Variants in EXOC2 observed in about 807,000 individuals in gnomAD.
EXOC2 encodes SEC5-like 1.
A neutral mutation model predicts 131.8 loss-of-function variants in EXOC2; 70 were observed. The observed-to-expected ratio is 0.53, with a 90% CI of 0.44 to 0.65. The LOEUF is 0.65. EXOC2 is among the 30% of genes least tolerant of loss of function. The pLI, the probability that EXOC2 is intolerant of heterozygous loss-of-function variation, is 0.00. For synonymous variants in EXOC2, 411 were observed against 398.4 expected (o/e 1.03, Z -0.38); for missense variants, 923 against 1,108.6 (o/e 0.83, Z 2.38).
intron 4 of EXOC2, among the ~76,000 whole-genome samples, chr6:629,526 A>C (rs1292000403): frequency 6.6e-6 from 1 of 152,242 alleles, no homozygotes; most frequent in African/African-American, 2.4e-5. Flanking sequence ...TTTTGACTTC[A>C]GGTGCCATCT....
intron 1 of EXOC2, chr6:656,822 G>A (rs775466283): frequency 1.5e-5 from 24 of 1,609,508 alleles, no homozygotes; most frequent in East Asian, 1.1e-4. Context: ...CCGCGGGGCC[G>A]AAGCACAGGC....
intron 23 of EXOC2, among the ~76,000 whole-genome samples, chr6:519,101 C>T (rs376697718): frequency 1.4e-5 from 2 of 144,336 alleles, no homozygotes; most frequent in South Asian, 4.4e-4. Context: ...ACTCACCGTC[C>T]ACACTCGGAG....
chr6:690,986 A>G lies in EXOC2; in HGVS notation c.-44+2033T>C, dbSNP rs144260152. Reference sequence around the variant, plus strand: ...CAGTGACCTAAAATTCATCCATTCAATAAACATTTAAGCACCTACTATGTG... The same window carrying G: ...CAGTGACCTAAAATTCATCCATTCAGTAAACATTTAAGCACCTACTATGTG... On this transcript the variant is annotated intron_variant, in intron 1 of 27. Transcript: ENST00000230449. 1.6e-4 allele frequency among the ~76,000 whole-genome samples: 24 copies of G among 152,290 alleles called. No homozygotes were observed. In the East Asian group the frequency reaches 4.6e-3, roughly 29 times the overall value.
At chr6:672,083 T>C (rs891563077) in intron 1 of EXOC2, among the ~76,000 whole-genome samples, 2 of 152,204 alleles carry the variant, frequency 1.3e-5, no homozygotes, top group Admixed American at 6.5e-5. Flanking sequence ...TTATACTTTG[T>C]GTAACTGTCC....
rs373664397 is a variant in EXOC2, at chr6:593,462, A to G, written c.1074-875T>C. Among the ~76,000 whole-genome samples, 3 of 152,344 alleles carry G rather than the reference A, an allele frequency of 2.0e-5. No homozygotes were observed. The East Asian group carries it at 5.8e-4, about 29-fold the overall frequency. On this transcript the variant is annotated intron_variant, in intron 10 of 27. Transcript: ENST00000230449. ...AATATTTCTCTAGGAAATATAGTAT[A>G]GTTCGGTGTTTTTCTTAGTTTCTAA...
rs565854356 is a variant in EXOC2 at position 615,564 on chromosome 6, G to C, written c.661+2147C>G. Among the ~76,000 whole-genome samples, 117 of 151,910 alleles carry C rather than the reference G, an allele frequency of 7.7e-4. 1 individual carries two copies. The highest frequency in any genetic ancestry group is 2.7e-3 in the African/African-American group (114 of 41,464). ...ATGAAAAACCAGAAACAGGCTGGGCGTGGAAATTAGCTGGGCGTGGTGGTG... is the reference window on the plus strand; with the variant it reads ...ATGAAAAACCAGAAACAGGCTGGGCCTGGAAATTAGCTGGGCGTGGTGGTG... On this transcript the variant is annotated intron_variant, in intron 6 of 27. Coordinates refer to ENST00000230449, the MANE Select transcript of EXOC2 (RefSeq NM_018303.6).
intron 23 of EXOC2, among the ~76,000 whole-genome samples, chr6:503,883 G>C (rs1033907630): frequency 6.6e-6 from 1 of 152,186 alleles, no homozygotes; most frequent in Non-Finnish European, 1.5e-5. Context: ...TCCTCAGCCT[G>C]TCCCGTGGGC....
intron 1 of EXOC2, among the ~76,000 whole-genome samples, chr6:649,232 A>G (rs902673986): frequency 6.6e-6 from 1 of 152,258 alleles, no homozygotes; most frequent in Non-Finnish European, 1.5e-5. Context: ...ATAAAGAGGT[A>G]TAACAGCTAT....
At chr6:573,325 G>T (rs184360474) in intron 12 of EXOC2, among the ~76,000 whole-genome samples, 2 of 152,284 alleles carry the variant, frequency 1.3e-5, no homozygotes, top group East Asian at 1.9e-4. Flanking sequence ...TAGAAATTCA[G>T]GACCCACTCA....
intron 23 of EXOC2, among the ~76,000 whole-genome samples, chr6:532,109 T>C (rs1201436327): frequency 6.6e-6 from 1 of 152,232 alleles, no homozygotes; most frequent in South Asian, 2.1e-4. Context: ...ATTTCTTTAA[T>C]ACATTTTTTG....
intron 21 of EXOC2, among the ~76,000 whole-genome samples, chr6:551,489 T>TAGCTGAGAATAGGCTCAATGTGAGTC (rs1757140359): frequency 1.3e-5 from 2 of 152,194 alleles, no homozygotes; most frequent in Non-Finnish European, 2.9e-5. Context: ...CCTGGGGGGA[T>TAGCTGAGAATAGGCTCAATGTGAGTC]AGCTGAGAAT....
At chr6:585,657 C>T (rs1410780419) in intron 11 of EXOC2, among the ~76,000 whole-genome samples, 1 of 151,910 alleles carries the variant, frequency 6.6e-6, no homozygotes, top group African/African-American at 2.4e-5. Flanking sequence ...CATTTTTTTC[C>T]CAAACCACCA....
At chr6:630,060 A>C in intron 3 of EXOC2, 99 bp from the exon 4 acceptor site, 2 of 1,361,478 alleles carry the variant, frequency 1.5e-6, no homozygotes, top group Non-Finnish European at 2.0e-6. Context: ...CTAATACAAA[A>C]TGCCTGTTGG....
chr6:653,129 T>G (rs1479767386), intron 1 of EXOC2, among the ~76,000 whole-genome samples: 2 of 152,170 alleles, frequency 1.3e-5, no homozygotes, highest in African/African-American at 4.8e-5. Flanking sequence ...CAGCATTCTC[T>G]CTCCCTCTCC....
In EXOC2 at chr6:576,780, C is replaced by A. The variant is rs772355029; in HGVS notation, c.1295G>T (p.Ser432Ile). Residue 432 changes from serine (S) to isoleucine (I), a missense_variant, in exon 12 of 28, where the codon AGC (serine) becomes ATC (isoleucine). Physicochemically the swap from Ser to Ile is moderately radical, Grantham distance 142 (BLOSUM62 -2). Coordinates refer to ENST00000230449, the MANE Select transcript of EXOC2 (RefSeq NM_018303.6). ...ACTGTCGTCTCGACCAGACTGAAAG[C>A]TGCTGCCCCTCTTCAGGGACGCTGT... The part of the protein sequence containing the change: ...SQTASLKRGS[S>I]FQSGRDDTWR... 6.2e-7 allele frequency: 1 copy of A among 1,614,106 alleles called. No individual in the cohort carries two copies. The highest frequency in any genetic ancestry group is 1.1e-5 in the South Asian group (1 of 91,074).
In EXOC2 at chr6:637,719, C is replaced by T; in HGVS notation, c.100G>A (p.Gly34Ser). Residue 34 changes from glycine (G) to serine (S), a missense_variant, in exon 2 of 28, where the codon GGC (glycine) becomes AGC (serine). Transcript: ENST00000230449. ...CCCTTACCTATGAGGTCGGTGGGGCCAGTCCCCAGATTTTCTCCCCTGATT... is the reference window on the plus strand; with the variant it reads ...CCCTTACCTATGAGGTCGGTGGGGCTAGTCCCCAGATTTTCTCCCCTGATT... ...VTIRGENLGT[G>S]PTDLIGLTIC... 6.2e-7 allele frequency: 1 copy of T among 1,613,640 alleles called. No homozygotes were observed. Among genetic ancestry groups the T allele is most frequent in the South Asian group, 1.1e-5 (1 of 90,972 alleles).
intron 22 of EXOC2, among the ~76,000 whole-genome samples, chr6:537,221 CGCACACACGAGATGACGGCCGACGGAGG>C (rs1766502198): frequency 6.9e-5 from 10 of 145,288 alleles, no homozygotes; most frequent in South Asian, 6.5e-4. Flanking sequence ...ACCGACGGAG[CGCACACACGAGATGACGGCCGACGGAGG>C]GCACACACGA....
rs754561409 is a variant in EXOC2, at chr6:506,438, C to T, written c.2381-6738G>A. 3.2e-4 allele frequency among the ~76,000 whole-genome samples: 49 copies of T among 152,254 alleles called. No homozygotes were observed. Among genetic ancestry groups the T allele is most frequent in the Non-Finnish European group, 3.5e-4 (24 of 68,006 alleles). Reference sequence around the variant, plus strand: ...TGTGCCAAGAAAAATACAAGGCAAACGGATTTGCTCCTTGGAGTTAAAGGC... The same window carrying T: ...TGTGCCAAGAAAAATACAAGGCAAATGGATTTGCTCCTTGGAGTTAAAGGC... On this transcript the variant is annotated intron_variant, in intron 23 of 27. Coordinates refer to ENST00000230449, the MANE Select transcript of EXOC2 (RefSeq NM_018303.6). The surrounding 1 kb of genome is among the most constrained non-coding windows in gnomAD (Gnocchi z 4.4).
intron 27 of EXOC2, among the ~76,000 whole-genome samples, chr6:488,338 G>A (rs568505728): frequency 9.8e-5 from 15 of 152,360 alleles, no homozygotes; most frequent in African/African-American, 3.4e-4. Context: ...GGTGGTGAAG[G>A]AATGAAGACT....
Sources: gnomAD v4.1 joint callset for allele counts (sites outside exome capture counted in the v4.1 genomes callset) on GRCh38, gnomAD v4.1.1 for gene constraint, Gnocchi (gnomAD v3.1) non-coding constraint, MANE v1.5 for transcripts, NCBI Gene and HGNC (gene_info 2026-07-23, HGNC 2026-07-21) for gene names.